ARHGAP15: variants seen among roughly 807,000 people sequenced by gnomAD.
ARHGAP15 encodes rho GTPase-activating protein 15.
Under a neutral mutation model 63.7 loss-of-function variants are expected in ARHGAP15, and 51 were observed. The ratio of observed to expected loss-of-function variants is 0.80; its 90% CI spans 0.64 to 1.01. ARHGAP15 has a LOEUF of 1.01. ARHGAP15 is among the 50% of genes least tolerant of loss of function. The pLI is 0.00. For synonymous variants in ARHGAP15, 191 were observed against 193.8 expected (o/e 0.99, Z 0.12); for missense variants, 560 against 564.6 (o/e 0.99, Z 0.08).
At chr2:143,386,222 G>T (rs560399061) in intron 6 of ARHGAP15, among the ~76,000 whole-genome samples, 1 of 152,072 alleles carries the variant, frequency 6.6e-6, no homozygotes, top group African/African-American at 2.4e-5. Context: ...CAGGTTGGAT[G>T]TTATAAACTA....
At chr2:143,398,577 C>T (rs1221837192) in intron 6 of ARHGAP15, among the ~76,000 whole-genome samples, 1 of 152,032 alleles carries the variant, frequency 6.6e-6, no homozygotes, top group African/African-American at 2.4e-5. Flanking sequence ...GCCGAATGAT[C>T]CTGAATTTTC....
chr2:143,475,257 G>A (rs1044655515), intron 8 of ARHGAP15, among the ~76,000 whole-genome samples: 6 of 152,200 alleles, frequency 3.9e-5, no homozygotes, highest in African/African-American at 1.4e-4. Flanking sequence ...GCAAACTGCA[G>A]CTGTCTGTCA....
intron 13 of ARHGAP15, among the ~76,000 whole-genome samples, chr2:143,731,208 T>C (rs950312863): frequency 1.1e-4 from 16 of 152,256 alleles, no homozygotes; most frequent in East Asian, 1.9e-4. Context: ...TTACTTTAAA[T>C]TGTGGAAAGA....
chr2:143,632,910 A>G (rs1034972439), intron 12 of ARHGAP15, among the ~76,000 whole-genome samples: 4 of 152,208 alleles, frequency 2.6e-5, no homozygotes, highest in Non-Finnish European at 5.9e-5. Flanking sequence ...GAAAAGAAAC[A>G]GAGCTTGCAA....
chr2:143,692,418 A>G (rs868025694), intron 12 of ARHGAP15, among the ~76,000 whole-genome samples: 50 of 152,072 alleles, frequency 3.3e-4, no homozygotes, highest in African/African-American at 1.2e-3. Flanking sequence ...TCAACAATTC[A>G]CCCAGTTCCC....
intron 10 of ARHGAP15, among the ~76,000 whole-genome samples, chr2:143,542,327 G>A (rs1695103617): frequency 6.6e-6 from 1 of 152,004 alleles, no homozygotes; most frequent in Admixed American, 6.5e-5. Context: ...GCACTTCCCG[G>A]GTGAGGCGAT....
Position 143,723,682 on chromosome 2 carries a change from C to G in ARHGAP15, c.1244+20158C>G, listed in dbSNP as rs969741815. Among the ~76,000 whole-genome samples, 18 of 152,306 alleles carry G rather than the reference C, an allele frequency of 1.2e-4. 1 individual carries two copies. The South Asian group carries it at 2.7e-3, about 23-fold the overall frequency. The stretch of plus-strand genomic sequence containing the variant: ...TAGGAGCTTATCACACATCGGTCAA[C>G]TTAACAAAAACCATCCTTGCCCTCA... On this transcript the variant is annotated intron_variant, in intron 13 of 13. Transcript: ENST00000295095.
In ARHGAP15 at chr2:143,435,582, C is replaced by CTTTTTTTT. The variant is rs11438710; in HGVS notation, c.475-12_475-5dup. On this transcript the variant is annotated intron_variant, in intron 6 of 13. Transcript: ENST00000295095. Reference sequence around the variant, plus strand: ...TTTCTTTACCTGTCTATTTCTTTTTCTTTTTTTTTTTTTTGCAGATCACAA... The same window carrying CTTTTTTTT: ...TTTCTTTACCTGTCTATTTCTTTTTCTTTTTTTTTTTTTTTTTTTTTTGCAGATCACAA... The CTTTTTTTT allele has an allele frequency of 2.3e-5, 31 of 1,356,668 alleles. No individual in the cohort carries two copies. The highest frequency in any genetic ancestry group is 9.7e-5 in the South Asian group (6 of 61,600). 84.0% of individuals were successfully genotyped at this position (1,356,668 alleles called of 1,614,324 possible).
intron 6 of ARHGAP15, among the ~76,000 whole-genome samples, chr2:143,399,978 A>T (rs1687925848): frequency 6.6e-6 from 1 of 152,044 alleles, no homozygotes; most frequent in Non-Finnish European, 1.5e-5. Flanking sequence ...GGCAAGGGTG[A>T]TCTGTTCAGA....
chr2:143,653,870 T>A (rs1681297136), intron 12 of ARHGAP15, among the ~76,000 whole-genome samples: 2 of 152,212 alleles, frequency 1.3e-5, no homozygotes, highest in Non-Finnish European at 2.9e-5. Flanking sequence ...TGTTACTGTG[T>A]TATGAATGAA....
chr2:143,408,736 G>T (rs1413817734), intron 6 of ARHGAP15, among the ~76,000 whole-genome samples: 1 of 151,710 alleles, frequency 6.6e-6, no homozygotes. Flanking sequence ...GATATTTGAA[G>T]CATTTGATTA....
intron 5 of ARHGAP15, among the ~76,000 whole-genome samples, chr2:143,231,115 C>G (rs1693419082): frequency 7.2e-6 from 1 of 138,084 alleles, no homozygotes; most frequent in African/African-American, 2.7e-5. Context: ...TAACATTACT[C>G]ACTTCTTTGA....
At chr2:143,300,783 G>C (rs1230622766) in intron 6 of ARHGAP15, among the ~76,000 whole-genome samples, 1 of 151,958 alleles carries the variant, frequency 6.6e-6, no homozygotes, top group Admixed American at 6.6e-5. Flanking sequence ...TGCAAGGCAG[G>C]CTGGGAAATG....
At chr2:143,238,527 A>T (rs1693742924) in intron 5 of ARHGAP15, among the ~76,000 whole-genome samples, 1 of 152,202 alleles carries the variant, frequency 6.6e-6, no homozygotes, top group Non-Finnish European at 1.5e-5. Context: ...GGCAATTATT[A>T]AAAAGCCAAA....
chr2:143,619,308 A>G (rs942219744), intron 11 of ARHGAP15, among the ~76,000 whole-genome samples: 1 of 152,150 alleles, frequency 6.6e-6, no homozygotes. Flanking sequence ...AGATACCCTA[A>G]AGGCTCTTCA....
intron 13 of ARHGAP15, among the ~76,000 whole-genome samples, chr2:143,734,203 A>T (rs1177586391): frequency 6.6e-6 from 1 of 152,118 alleles, no homozygotes; most frequent in Non-Finnish European, 1.5e-5. Context: ...GGTGAATGAG[A>T]TCCATCATGA....
intron 9 of ARHGAP15, 36 bp downstream of exon 9, chr2:143,487,531 T>C (rs1160016098): frequency 6.3e-7 from 1 of 1,592,988 alleles, no homozygotes; most frequent in Non-Finnish European, 8.5e-7. Context: ...ATAACTGTGA[T>C]AAATGAATGT....
intron 10 of ARHGAP15, among the ~76,000 whole-genome samples, chr2:143,536,043 A>G (rs1694739038): frequency 6.6e-6 from 1 of 152,252 alleles, no homozygotes; most frequent in Non-Finnish European, 1.5e-5. Context: ...CATAGTTATC[A>G]TAGATGAGAG....
chr2:143,513,125 G>T (rs931045146), intron 9 of ARHGAP15, among the ~76,000 whole-genome samples: 1 of 152,198 alleles, frequency 6.6e-6, no homozygotes, highest in African/African-American at 2.4e-5. Flanking sequence ...TAAGTGAGAA[G>T]AACAGTTTTG....
Sources: gnomAD v4.1 joint callset for allele counts (sites outside exome capture counted in the v4.1 genomes callset) on GRCh38, gnomAD v4.1.1 for gene constraint, MANE v1.5 for transcripts, NCBI Gene and HGNC (gene_info 2026-07-23, HGNC 2026-07-21) for gene names.